Variants in GLIS1 observed in about 807,000 individuals in gnomAD.
The protein encoded by GLIS1 is zinc finger protein GLIS1.
GLIS1 carries 24 observed loss-of-function variants against 63.8 expected under a neutral mutation model. The ratio of observed to expected loss-of-function variants is 0.38; its 90% CI spans 0.27 to 0.53. The LOEUF (loss-of-function observed/expected upper bound fraction) is 0.53. Ranked by LOEUF, GLIS1 falls within the 20% of genes least tolerant of loss-of-function variation. The probability of loss-of-function intolerance (pLI) is 0.85; values close to 1 mark genes in which losing one functional copy is unlikely to be tolerated. For missense variants in GLIS1, 1,036 were observed against 1,074.1 expected, an observed-to-expected ratio of 0.96 and a Z score of 0.50; for synonymous variants, 450 against 482.5, an observed-to-expected ratio of 0.93 and a Z score of 0.88.
At chr1:53,641,217 G>A (rs1411542100) in intron 2 of GLIS1, among the ~76,000 whole-genome samples, 1 of 152,196 alleles carries the variant, frequency 6.6e-6, no homozygotes, top group Non-Finnish European at 1.5e-5. Flanking sequence ...TCCTCCAGCT[G>A]AGTACCTGGG....
chr1:53,519,658 C>A (rs936885980), intron 7 of GLIS1, among the ~76,000 whole-genome samples: 1 of 152,160 alleles, frequency 6.6e-6, no homozygotes, highest in Non-Finnish European at 1.5e-5. Flanking sequence ...CCGTGGCCCA[C>A]GGCTGCTGGG....
At chr1:53,697,910 C>T (rs57825590) in intron 2 of GLIS1, among the ~76,000 whole-genome samples, 2,490 of 152,250 alleles carry the variant, frequency 0.016, 63 homozygotes, top group African/African-American at 0.055. Context: ...ACCGCTACAA[C>T]GAACACTCTA....
At chr1:53,633,482 T>A (rs1645691648) in intron 2 of GLIS1, among the ~76,000 whole-genome samples, 1 of 151,306 alleles carries the variant, frequency 6.6e-6, no homozygotes, top group Non-Finnish European at 1.5e-5. Context: ...GAGGGGTGTG[T>A]GAATGAGTGT....
intron 2 of GLIS1, among the ~76,000 whole-genome samples, chr1:53,698,587 A>G (rs553322140): frequency 6.6e-6 from 1 of 152,366 alleles, no homozygotes; most frequent in East Asian, 1.9e-4. Context: ...TTGTGAGCAC[A>G]GAACACCAGC....
intron 4 of GLIS1, among the ~76,000 whole-genome samples, chr1:53,578,622 C>T (rs2100488676): frequency 6.6e-6 from 1 of 152,302 alleles, no homozygotes; most frequent in South Asian, 2.1e-4. Context: ...ACAAGTTGCC[C>T]TCTTTGCTTT....
chr1:53,716,946 CGA>C (rs1019432055), intron 2 of GLIS1, among the ~76,000 whole-genome samples: 1 of 152,058 alleles, frequency 6.6e-6, no homozygotes, highest in Admixed American at 6.5e-5. Flanking sequence ...TTTCAGAACA[CGA>C]GAGAGAGACA....
At position 53,737,869 on chromosome 1, in the gene GLIS1, C is replaced by A; in HGVS notation, c.196G>T (p.Asp66Tyr). Residue 66 changes from aspartate (D) to tyrosine (Y), a missense_variant, in exon 2 of 11, where the codon GAC (aspartate) becomes TAC (tyrosine). Asp to Tyr is a radical substitution (Grantham distance 160, BLOSUM62 -3). Transcript: ENST00000628545. ...RPPAPPPRAHDLLRPRSPRDY... is the reference protein window; with the variant it reads ...RPPAPPPRAHYLLRPRSPRDY... ...CGGGGACTGCGGGGCCGGAGGAGGT[C>A]GTGGGCGCGCGGTGGCGGCGCAGGC... 8.1e-7 allele frequency: 1 copy of A among 1,231,016 alleles called. No homozygotes were observed. Among genetic ancestry groups the A allele is most frequent in the Non-Finnish European group, 1.0e-6 (1 of 987,510 alleles). 76.3% of individuals were successfully genotyped at this position (1,231,016 alleles called of 1,614,324 possible).
At chr1:53,596,316 T>C (rs573953773) in intron 3 of GLIS1, among the ~76,000 whole-genome samples, 2 of 152,136 alleles carry the variant, frequency 1.3e-5, no homozygotes, top group Non-Finnish European at 2.9e-5. Flanking sequence ...AGGGCCTACC[T>C]GTCACCAGAG....
At chr1:53,723,509 C>T (rs1032420963) in intron 2 of GLIS1, among the ~76,000 whole-genome samples, 1 of 152,128 alleles carries the variant, frequency 6.6e-6, no homozygotes, top group African/African-American at 2.4e-5. Context: ...GCTGGGATTA[C>T]AGGGGTGAGC....
chr1:53,729,197 C>T lies in GLIS1; in HGVS notation c.259+8609G>A, dbSNP rs116592431. The stretch of plus-strand genomic sequence containing the variant: ...TGGGAAGTAACACAGAGGTTTTAAG[C>T]GAGAAGTTCTACGGACTTGAGGTCT... On this transcript the variant is annotated intron_variant, in intron 2 of 10. Transcript: ENST00000628545. 2.2e-3 allele frequency among the ~76,000 whole-genome samples: 328 copies of T among 152,214 alleles called. 3 individuals are homozygous for T. The highest frequency in any genetic ancestry group is 7.3e-3 in the African/African-American group (303 of 41,510).
At chr1:53,645,008 A>C (rs1388844198) in intron 2 of GLIS1, among the ~76,000 whole-genome samples, 1 of 152,248 alleles carries the variant, frequency 6.6e-6, no homozygotes, top group Non-Finnish European at 1.5e-5. Context: ...ATCTCTCCTC[A>C]GTGCCTAAGA....
At chr1:53,637,440 G>A (rs1456389415) in intron 2 of GLIS1, among the ~76,000 whole-genome samples, 2 of 152,172 alleles carry the variant, frequency 1.3e-5, no homozygotes, top group Non-Finnish European at 2.9e-5. Flanking sequence ...TCTTCTATCT[G>A]TGAGAACCGT....
intron 2 of GLIS1, among the ~76,000 whole-genome samples, chr1:53,635,279 G>C (rs189537666): frequency 2.0e-5 from 3 of 152,096 alleles, no homozygotes; most frequent in Admixed American, 2.0e-4. Context: ...GAATTGAAAT[G>C]AACAAAACAT....
intron 2 of GLIS1, among the ~76,000 whole-genome samples, chr1:53,682,263 G>A (rs184255891): frequency 6.6e-6 from 1 of 152,330 alleles, no homozygotes; most frequent in East Asian, 1.9e-4. Flanking sequence ...CAGCCATCCA[G>A]CAAGCAGCCG....
At chr1:53,725,402 G>C (rs544506904) in intron 2 of GLIS1, among the ~76,000 whole-genome samples, 14 of 152,314 alleles carry the variant, frequency 9.2e-5, no homozygotes, top group African/African-American at 3.4e-4. Flanking sequence ...ACCCTGGCCA[G>C]GGGAGTGAGC....
chr1:53,549,437 C>G (rs565706583), intron 4 of GLIS1, among the ~76,000 whole-genome samples: 9 of 152,318 alleles, frequency 5.9e-5, no homozygotes, highest in Admixed American at 3.3e-4. Context: ...TGTCAACACT[C>G]GTTATTGGCA....
intron 6 of GLIS1, 152 bp from the exon 7 acceptor site, chr1:53,520,918 G>A (rs987713009): frequency 2.5e-6 from 2 of 808,770 alleles, no homozygotes; most frequent in African/African-American, 3.6e-5. Context: ...GAAATGGGCT[G>A]ACTGTGTACA....
chr1:53,595,641 G>A (rs1157612249), intron 3 of GLIS1, among the ~76,000 whole-genome samples: 2 of 152,210 alleles, frequency 1.3e-5, no homozygotes, highest in Admixed American at 1.3e-4. Context: ...TCTCCAGGAA[G>A]AAGGCTGAGG....
chr1:53,536,775 G>A (rs905644972), intron 4 of GLIS1, among the ~76,000 whole-genome samples: 1 of 152,156 alleles, frequency 6.6e-6, no homozygotes, highest in Non-Finnish European at 1.5e-5. Context: ...CTGGGGCAAG[G>A]CCAGGCCTGG....
Sources: allele counts gnomAD v4.1 joint callset (sites outside exome capture counted in the v4.1 genomes callset), GRCh38; gene constraint gnomAD v4.1.1; transcripts MANE v1.5; gene names NCBI Gene and HGNC (gene_info 2026-07-23, HGNC 2026-07-21).